NGEF: variants seen among roughly 807,000 people sequenced by gnomAD.
The protein encoded by NGEF is neuronal guanine nucleotide exchange factor.
Under a neutral mutation model 80.9 loss-of-function variants are expected in NGEF, and 31 were observed. The observed-to-expected ratio is 0.38, with a 90% confidence interval of 0.29 to 0.52. The LOEUF (loss-of-function observed/expected upper bound fraction) is 0.52, where lower values mean the gene tolerates loss of function less well. NGEF is among the 20% of genes least tolerant of loss of function. The pLI is 0.84. For missense variants in NGEF, 709 were observed against 926.2 expected, an observed-to-expected ratio of 0.77 and a Z score of 3.04; for synonymous variants, 371 against 370.2, an observed-to-expected ratio of 1.00 and a Z score of -0.03.
At chr2:232,918,748 C>T (rs1559208239) in intron 5 of NGEF, among the ~76,000 whole-genome samples, 2 of 151,578 alleles carry the variant, frequency 1.3e-5, no homozygotes, top group Non-Finnish European at 2.9e-5. Flanking sequence ...CCTACCTCAG[C>T]CTCCCAAGTA....
intron 8 of NGEF, among the ~76,000 whole-genome samples, chr2:232,889,739 GC>G (rs1195036939): frequency 6.6e-6 from 1 of 152,144 alleles, no homozygotes; most frequent in Non-Finnish European, 1.5e-5. Flanking sequence ...TTAGCCCTGG[GC>G]CAGGGGCTTC....
At chr2:232,991,084 T>C (rs1694640910) in intron 1 of NGEF, among the ~76,000 whole-genome samples, 1 of 152,074 alleles carries the variant, frequency 6.6e-6, no homozygotes, top group African/African-American at 2.4e-5. Context: ...GAAAATTTTC[T>C]CAAACCTGAT....
At chr2:232,942,792 CAA>C (rs35882284) in intron 3 of NGEF, among the ~76,000 whole-genome samples, 30 of 120,624 alleles carry the variant, frequency 2.5e-4, no homozygotes, top group Non-Finnish European at 2.6e-4. Context: ...GACTCCGTCT[CAA>C]AAAAAAAAAA....
intron 1 of NGEF, among the ~76,000 whole-genome samples, chr2:233,004,878 G>A (rs1458289139): frequency 1.3e-5 from 2 of 152,086 alleles, no homozygotes; most frequent in African/African-American, 4.8e-5. Flanking sequence ...CAAAATTTGG[G>A]TGATGGTTAC....
At chr2:232,883,611 T>C in intron 11 of NGEF, 145 bp from the exon 12 acceptor site, 1 of 884,558 alleles carries the variant, frequency 1.1e-6, no homozygotes, top group Non-Finnish European at 1.7e-6. Flanking sequence ...CCTGAACGCC[T>C]GTCTCCCGCA....
rs1351217421 is a variant in NGEF at position 232,879,663 on chromosome 2, C to A, written c.1959G>T (p.Glu653Asp). 1 of 1,612,732 alleles carries A rather than the reference C, an allele frequency of 6.2e-7. No homozygotes were observed. Among genetic ancestry groups the A allele is most frequent in the Non-Finnish European group, 8.5e-7 (1 of 1,179,390 alleles). Residue 653 changes from glutamate (E) to aspartate (D), a missense_variant, in exon 15 of 15, where the codon GAG becomes GAT. This residue lies in a region of NGEF where 426 missense variants were observed against 622.9 expected (regional missense o/e 0.68). Transcript: ENST00000264051. Reference protein sequence around the residue: ...DKTDDGWIFGERLHDQERGWF... With the variant: ...DKTDDGWIFGDRLHDQERGWF... The stretch of plus-strand genomic sequence containing the variant: ...AGCCTCTCTCCTGGTCGTGCAGACG[C>A]TCGCCAAAGATCCACCCTGTGCAGG...
intron 3 of NGEF, among the ~76,000 whole-genome samples, chr2:232,954,987 C>T (rs1429432570): frequency 6.6e-6 from 1 of 151,854 alleles, no homozygotes; most frequent in Non-Finnish European, 1.5e-5. Flanking sequence ...TTACGGATAA[C>T]AGCTTACTTT....
chr2:232,994,611 G>C (rs1559238967), intron 1 of NGEF, among the ~76,000 whole-genome samples: 1 of 152,112 alleles, frequency 6.6e-6, no homozygotes. Context: ...TGGGAGCGGG[G>C]AGTGGAGCCA....
chr2:232,973,678 G>A (rs1398049683), intron 2 of NGEF, among the ~76,000 whole-genome samples: 1 of 152,200 alleles, frequency 6.6e-6, no homozygotes, highest in Non-Finnish European at 1.5e-5. Flanking sequence ...AGAGATGAGT[G>A]AGGCTGTCCT....
chr2:232,928,458 C>CCCTCGGCTCCCCAGTGCCCGCAGA (rs1693142417), intron 3 of NGEF, among the ~76,000 whole-genome samples: 1 of 151,758 alleles, frequency 6.6e-6, no homozygotes, highest in Non-Finnish European at 1.5e-5. Context: ...GGCGAGGCCA[C>CCCTCGGCTCCCCAGTGCCCGCAGA]CCTCGGCTCC....
chr2:232,925,162 G>C (rs1240610878), intron 4 of NGEF, among the ~76,000 whole-genome samples: 1 of 152,156 alleles, frequency 6.6e-6, no homozygotes, highest in South Asian at 2.1e-4. Flanking sequence ...GAACTGGCAG[G>C]CTCCACTTGG....
intron 14 of NGEF, among the ~76,000 whole-genome samples, chr2:232,880,142 C>T (rs1166430580): frequency 6.6e-6 from 1 of 152,142 alleles, no homozygotes; most frequent in African/African-American, 2.4e-5. Flanking sequence ...TCATTAGCCT[C>T]TTGCGGGGCC....
rs181024311 is a variant in NGEF at position 232,911,017 on chromosome 2, A to T, written c.828+9267T>A. On this transcript the variant is annotated intron_variant, in intron 5 of 14. Transcript: ENST00000264051. The stretch of plus-strand genomic sequence containing the variant: ...AACTCTGATCAAGACCAACTGATCC[A>T]TTTTTTTGTTTATGCATGATTGGTT... Among the ~76,000 whole-genome samples the T allele has an allele frequency of 5.3e-3, 811 of 152,184 alleles. 5 individuals carry two copies. The highest frequency in any genetic ancestry group is 0.015 in the African/African-American group (635 of 41,528).
rs116127370 is a variant in NGEF at position 232,956,862 on chromosome 2, G to A, written c.383+13352C>T. 9.3e-3 allele frequency among the ~76,000 whole-genome samples: 1,396 copies of A among 149,588 alleles called. 20 individuals carry two copies. Among genetic ancestry groups the A allele is most frequent in the African/African-American group, 0.027 (1,096 of 40,336 alleles). On this transcript the variant is annotated intron_variant, in intron 3 of 14. Coordinates refer to ENST00000264051, the MANE Select transcript of NGEF (RefSeq NM_019850.3). ...ACAGTCAAGTAAACAAAATAAAAGC[G>A]CATAAGAAGGACAATGGCTAAAAAG...
At chr2:232,923,796 C>T (rs1692999565) in intron 4 of NGEF, among the ~76,000 whole-genome samples, 1 of 152,186 alleles carries the variant, frequency 6.6e-6, no homozygotes, top group South Asian at 2.1e-4. Flanking sequence ...AGCCTGGCTG[C>T]AGTGGTGTGA....
intron 5 of NGEF, among the ~76,000 whole-genome samples, chr2:232,906,915 GT>G (rs1221279717): frequency 1.3e-5 from 2 of 151,260 alleles, no homozygotes; most frequent in African/African-American, 4.9e-5. Flanking sequence ...CATGTGCTGT[GT>G]CCACTCAGGG....
chr2:232,936,119 T>G (rs1209739723), intron 3 of NGEF, among the ~76,000 whole-genome samples: 1 of 152,172 alleles, frequency 6.6e-6, no homozygotes, highest in Non-Finnish European at 1.5e-5. Flanking sequence ...CCTCTGTCGC[T>G]GCAGCAGTGA....
At chr2:232,889,079 C>T (rs1691796664) in intron 8 of NGEF, among the ~76,000 whole-genome samples, 2 of 152,196 alleles carry the variant, frequency 1.3e-5, no homozygotes, top group Non-Finnish European at 2.9e-5. Context: ...CCTGTGGTCA[C>T]CTGCCCGCCT....
chr2:232,899,807 C>G (rs1190311523), intron 5 of NGEF, among the ~76,000 whole-genome samples: 1 of 149,300 alleles, frequency 6.7e-6, no homozygotes, highest in African/African-American at 2.5e-5. Flanking sequence ...CACACACACG[C>G]TCTCAGTCAC....
Sources: gnomAD v4.1 joint callset for allele counts (sites outside exome capture counted in the v4.1 genomes callset) on GRCh38, gnomAD v4.1.1 for gene constraint, gnomAD v4.1.1 regional missense constraint, MANE v1.5 for transcripts, NCBI Gene and HGNC (gene_info 2026-07-23, HGNC 2026-07-21) for gene names.